GABRB3: variants seen among roughly 807,000 people sequenced by gnomAD.
GABRB3 encodes gamma-aminobutyric acid type A receptor subunit beta3.
GABRB3 carries 14 observed loss-of-function variants against 52.1 expected under a neutral mutation model. The ratio of observed to expected loss-of-function variants is 0.27; its 90% confidence interval spans 0.18 to 0.42. The LOEUF (loss-of-function observed/expected upper bound fraction) is 0.42, where lower values mean the gene tolerates loss of function less well. Ranked by LOEUF, GABRB3 falls within the 10% of genes least tolerant of loss-of-function variation. GABRB3 has a pLI of 1.00. For synonymous variants in GABRB3, 260 were observed against 232.3 expected, an observed-to-expected ratio of 1.12 and a Z score of -1.08; for missense variants, 307 against 609.1, an observed-to-expected ratio of 0.50 and a Z score of 5.22.
Position 26,621,785 on chromosome 15 carries a change from T to C in GABRB3, c.241-251A>G, listed in dbSNP as rs146553090. Among the ~76,000 whole-genome samples, 118 of 152,288 alleles carry C rather than the reference T, an allele frequency of 7.7e-4. No individual in the cohort carries two copies. Among genetic ancestry groups the C allele is most frequent in the African/African-American group, 2.6e-3 (107 of 41,556 alleles). Reference sequence around the variant, plus strand: ...GTTTTACTTAGGTTAAGAAGCAGACTAGACAAACTGGCATTTAACAGATAA... The same window carrying C: ...GTTTTACTTAGGTTAAGAAGCAGACCAGACAAACTGGCATTTAACAGATAA... On this transcript the variant is annotated intron_variant, in intron 3 of 8. Transcript: ENST00000311550. The surrounding 1 kb of genome is among the most constrained non-coding windows in gnomAD (Gnocchi z 4.1).
At chr15:26,726,850 A>G (rs1471923088) in intron 3 of GABRB3, among the ~76,000 whole-genome samples, 1 of 152,178 alleles carries the variant, frequency 6.6e-6, no homozygotes, top group Non-Finnish European at 1.5e-5. Flanking sequence ...GAGATTGTGC[A>G]GGTATTTTAT....
At chr15:26,599,916 CTAGTA>C (rs1891526983) in intron 4 of GABRB3, among the ~76,000 whole-genome samples, 1 of 151,812 alleles carries the variant, frequency 6.6e-6, no homozygotes, top group Admixed American at 6.6e-5. Context: ...TATAAAATGA[CTAGTA>C]AAGTATTAAG....
intron 6 of GABRB3, among the ~76,000 whole-genome samples, chr15:26,578,878 A>G (rs777043230): frequency 6.6e-5 from 10 of 152,176 alleles, no homozygotes; most frequent in Non-Finnish European, 1.3e-4. Flanking sequence ...GGTTGTGGAC[A>G]CTATTTCTTA....
chr15:26,647,535 G>T (rs528306246), intron 3 of GABRB3, among the ~76,000 whole-genome samples: 10 of 152,302 alleles, frequency 6.6e-5, no homozygotes, highest in Admixed American at 2.6e-4. Context: ...TCTTTGTGCA[G>T]ATCATTGGTC....
intron 3 of GABRB3, among the ~76,000 whole-genome samples, chr15:26,640,179 C>G (rs2140570618): frequency 1.3e-5 from 2 of 152,240 alleles, no homozygotes; most frequent in South Asian, 4.1e-4. Flanking sequence ...AACTTGAGGC[C>G]ACTGAATGCA....
intron 3 of GABRB3, among the ~76,000 whole-genome samples, chr15:26,689,942 G>A (rs977178186): frequency 2.0e-5 from 3 of 151,994 alleles, no homozygotes; most frequent in African/African-American, 4.8e-5. Context: ...GGGTGCCCTC[G>A]GCCAAGAGGG....
chr15:26,629,087 G>T, intron 3 of GABRB3: 1 of 1,535,930 alleles, frequency 6.5e-7, no homozygotes, highest in South Asian at 1.2e-5. Flanking sequence ...CGGAAGTTGT[G>T]ACTGTCGCTT....
At chr15:26,584,359 T>C (rs756310294) in intron 4 of GABRB3, among the ~76,000 whole-genome samples, 15 of 152,182 alleles carry the variant, frequency 9.9e-5, no homozygotes, top group Non-Finnish European at 1.8e-4. Flanking sequence ...ACTGAGGTCT[T>C]TGACTTTCCA....
chr15:26,621,631 C>G lies in GABRB3; in HGVS notation c.241-97G>C, dbSNP rs568106267. 6.6e-6 allele frequency: 6 copies of G among 904,790 alleles called. No individual in the cohort carries two copies. In the African/African-American group the frequency reaches 9.9e-5, roughly 15 times the overall value. The allele number at this position is 904,790 out of a possible 1,614,324, so 56.0% of individuals were successfully genotyped here. On this transcript the variant is annotated intron_variant, in intron 3 of 8. Coordinates refer to ENST00000311550, the MANE Select transcript of GABRB3 (RefSeq NM_000814.6). This position sits in a 1 kb window ranked among gnomAD's most constrained non-coding sequence, Gnocchi z 4.1. ...AATTCAGGTTGCAATCTAGGCTCTA[C>G]AGTGAATAACCAGGAGAAACGGATG...
chr15:26,741,129 GACTTTAT>G lies in GABRB3; in HGVS notation c.240+31266_240+31272del, dbSNP rs1890198237. On this transcript the variant is annotated intron_variant, in intron 3 of 8. Transcript: ENST00000311550. ...CACATAGCAAAAAAATTCCTATATG[GACTTTAT>G]CTGGTGTTACTTCCTTTTCTTTTTA... Among the ~76,000 whole-genome samples, 2 of 151,484 alleles carry G rather than the reference GACTTTAT, an allele frequency of 1.3e-5. 1 individual carries two copies. The highest frequency in any genetic ancestry group is 4.2e-4 in the South Asian group (2 of 4,796).
chr15:26,601,027 G>C (rs976073497), intron 4 of GABRB3, among the ~76,000 whole-genome samples: 1 of 152,130 alleles, frequency 6.6e-6, no homozygotes, highest in Admixed American at 6.6e-5. Flanking sequence ...ATCAAAATTG[G>C]CTGTTATCAG....
chr15:26,732,614 C>T (rs1889961916), intron 3 of GABRB3, among the ~76,000 whole-genome samples: 1 of 150,756 alleles, frequency 6.6e-6, no homozygotes, highest in Non-Finnish European at 1.5e-5. Flanking sequence ...TGTTGCCAGG[C>T]TGGAGTGCAG....
rs145205707 is a variant in GABRB3 at position 26,730,248 on chromosome 15, G to A, written c.240+42154C>T. Among the ~76,000 whole-genome samples, 281 of 152,162 alleles carry A rather than the reference G, an allele frequency of 1.8e-3. 1 individual carries two copies. Among genetic ancestry groups the A allele is most frequent in the African/African-American group, 6.3e-3 (262 of 41,524 alleles). ...CCTGGATTAATTGAATAAGACCAGG[G>A]CAATAAGACTTACAGGATGAATAGC... On this transcript the variant is annotated intron_variant, in intron 3 of 8. Transcript: ENST00000311550.
At chr15:26,763,483 T>G (rs1456011364) in intron 3 of GABRB3, among the ~76,000 whole-genome samples, 2 of 152,154 alleles carry the variant, frequency 1.3e-5, no homozygotes, top group Admixed American at 6.6e-5. Context: ...ACTTTTGGCC[T>G]GATATATGGA....
At chr15:26,642,068 A>G (rs1893216553) in intron 3 of GABRB3, among the ~76,000 whole-genome samples, 1 of 151,780 alleles carries the variant, frequency 6.6e-6, no homozygotes, top group Non-Finnish European at 1.5e-5. Context: ...TTGTTAAAGA[A>G]TTTTTTGCGA....
intron 3 of GABRB3, among the ~76,000 whole-genome samples, chr15:26,664,870 T>C (rs1887660666): frequency 1.3e-5 from 2 of 151,972 alleles, no homozygotes; most frequent in Non-Finnish European, 2.9e-5. Context: ...CCAGCTAATT[T>C]TGTATTTTTA....
At chr15:26,548,715 G>A (rs2140647446) in intron 8 of GABRB3, among the ~76,000 whole-genome samples, 1 of 152,216 alleles carries the variant, frequency 6.6e-6, no homozygotes, top group Non-Finnish European at 1.5e-5. Context: ...TCTTTTTGAA[G>A]GGCTATATAT....
At chr15:26,624,507 C>T (rs1475947552) in intron 3 of GABRB3, 37 of 985,468 alleles carry the variant, frequency 3.8e-5, no homozygotes, top group Non-Finnish European at 4.2e-5. Flanking sequence ...CTGTCACTCA[C>T]AGCCTGACAG....
intron 3 of GABRB3, among the ~76,000 whole-genome samples, chr15:26,762,759 C>T (rs1165097171): frequency 1.3e-5 from 2 of 152,110 alleles, no homozygotes; most frequent in East Asian, 3.9e-4. Flanking sequence ...TTAGTCCATG[C>T]CACAAGGAAT....
Sources: allele counts gnomAD v4.1 joint callset (sites outside exome capture counted in the v4.1 genomes callset), GRCh38; gene constraint gnomAD v4.1.1; non-coding constraint Gnocchi (gnomAD v3.1); transcripts MANE v1.5; gene names NCBI Gene and HGNC (gene_info 2026-07-23, HGNC 2026-07-21).